Variants in FAHD1 observed in about 807,000 individuals in gnomAD.
The protein encoded by FAHD1 is FAH domain containing oxaloacetate decarboxylase 1.
FAHD1 carries 14 observed loss-of-function variants against 12.7 expected under a neutral mutation model. The ratio of observed to expected loss-of-function variants is 1.10; its 90% CI spans 0.73 to 1.72. The LOEUF (loss-of-function observed/expected upper bound fraction) is 1.72. FAHD1 is among the 40% of genes most tolerant of loss of function. The probability of loss-of-function intolerance (pLI) is 0.00; values close to 1 mark genes in which losing one functional copy is unlikely to be tolerated. For synonymous variants in FAHD1, 153 were observed against 124.9 expected (o/e 1.22, Z -1.50); for missense variants, 351 against 298.9 (o/e 1.17, Z -1.29).
chr16:1,835,795 T>C (rs950649925), intron 1 of FAHD1, among the ~76,000 whole-genome samples: 18 of 152,138 alleles, frequency 1.2e-4, no homozygotes, highest in African/African-American at 4.1e-4. Context: ...CAGAGGTTCA[T>C]CTACAAGCAA....
chr16:1,839,449 A>G (rs933928784), exon 3 of FAHD1: 4 of 1,598,966 alleles, frequency 2.5e-6, no homozygotes, highest in Admixed American at 3.5e-5. Flanking sequence ...CTGAAAAGAA[A>G]CAAAGACAAT....
chr16:1,831,818 C>T (rs541302347), downstream of FAHD1, among the ~76,000 whole-genome samples: 46 of 152,170 alleles, frequency 3.0e-4, no homozygotes, highest in African/African-American at 1.1e-3. Context: ...ACTGCACATG[C>T]GAGGGATCTA....
At chr16:1,827,811 G>A (rs1898529337) in exon 1 of FAHD1, 2 of 1,614,132 alleles carry the variant, frequency 1.2e-6, no homozygotes, top group Non-Finnish European at 1.7e-6. Context: ...GGACGCCAAA[G>A]GGAGTTGGAC....
chr16:1,838,865 T>A (rs566881452), intron 2 of FAHD1, among the ~76,000 whole-genome samples: 2 of 152,290 alleles, frequency 1.3e-5, no homozygotes, highest in East Asian at 3.9e-4. Flanking sequence ...CTAATTTTTG[T>A]ATTTTTAGTA....
downstream of FAHD1, among the ~76,000 whole-genome samples, chr16:1,831,219 A>G (rs1250681025): frequency 3.9e-5 from 6 of 152,214 alleles, no homozygotes; most frequent in Non-Finnish European, 7.3e-5. Flanking sequence ...GTCAGTGAAT[A>G]TAAGTACAGG....
chr16:1,831,006 A>C (rs2142065675), downstream of FAHD1, among the ~76,000 whole-genome samples: 1 of 151,972 alleles, frequency 6.6e-6, no homozygotes, highest in East Asian at 1.9e-4. Context: ...TTCAGCATAC[A>C]TCTCCCAAGA....
At chr16:1,831,465 G>A (rs1466245950), downstream of FAHD1, among the ~76,000 whole-genome samples, 1 of 152,174 alleles carries the variant, frequency 6.6e-6, no homozygotes, top group Non-Finnish European at 1.5e-5. Context: ...GTTGGCACCA[G>A]AATCTGCTCT....
chr16:1,827,482 G>A (rs1460597509), exon 1 of FAHD1: 1 of 1,612,226 alleles, frequency 6.2e-7, no homozygotes, highest in Admixed American at 1.7e-5. Context: ...CTGCCGCGCA[G>A]TCCCCGAGGC....
chr16:1,833,993 T>C, intron 1 of FAHD1: 2 of 319,066 alleles, frequency 6.3e-6, no homozygotes, highest in Non-Finnish European at 1.1e-5. Flanking sequence ...CTGTAGAAGA[T>C]TAAATCTGTT....
At chr16:1,830,339 C>T (rs1898597611), downstream of FAHD1, among the ~76,000 whole-genome samples, 1 of 152,200 alleles carries the variant, frequency 6.6e-6, no homozygotes, top group Admixed American at 6.5e-5. Flanking sequence ...AGCACATGTG[C>T]TGTTTTTTCC....
At chr16:1,833,790 T>C (rs1898667659), downstream of FAHD1, among the ~76,000 whole-genome samples, 1 of 152,062 alleles carries the variant, frequency 6.6e-6, no homozygotes, top group South Asian at 2.1e-4. Flanking sequence ...CTCGATCTCC[T>C]GACTGCCTTG....
At chr16:1,831,108 G>A (rs1567269257), downstream of FAHD1, among the ~76,000 whole-genome samples, 1 of 152,158 alleles carries the variant, frequency 6.6e-6, no homozygotes, top group Non-Finnish European at 1.5e-5. Context: ...TATATGGTTT[G>A]ACATCTGTTC....
At chr16:1,839,716 C>G in exon 3 of FAHD1, 1 of 338,502 alleles carries the variant, frequency 3.0e-6, no homozygotes, top group Non-Finnish European at 5.4e-6. Context: ...AGTCTCATTT[C>G]CTTGCTGGGG....
chr16:1,839,162 C>T, intron 2 of FAHD1: 1 of 1,391,604 alleles, frequency 7.2e-7, no homozygotes, highest in Non-Finnish European at 9.5e-7. Context: ...GAATCAATTT[C>T]TATCAAATGT....
chr16:1,837,656 C>G, intron 1 of FAHD1: 1 of 513,810 alleles, frequency 1.9e-6, no homozygotes, highest in Non-Finnish European at 3.4e-6. Flanking sequence ...ATAGCTGAAT[C>G]CTTATGCACA....
chr16:1,834,221 T>G, intron 1 of FAHD1: 1 of 1,160,794 alleles, frequency 8.6e-7, no homozygotes, highest in Non-Finnish European at 1.3e-6. Flanking sequence ...GTTAAAACTC[T>G]TATACTTTTC....
chr16:1,833,554 CTTT>C (rs769668788), downstream of FAHD1, among the ~76,000 whole-genome samples: 14 of 114,280 alleles, frequency 1.2e-4, 1 homozygote, highest in Non-Finnish European at 1.2e-4. Context: ...TTTAGAGGTA[CTTT>C]TTTTTTTTTT....
downstream of FAHD1, among the ~76,000 whole-genome samples, chr16:1,832,540 C>A (rs370309758): frequency 9.6e-4 from 145 of 151,362 alleles, no homozygotes; most frequent in East Asian, 0.013. Flanking sequence ...AATCCCAGCA[C>A]TTTGGGAGGC....
chr16:1,838,156 C>G (rs1470432724), intron 2 of FAHD1: 4 of 515,174 alleles, frequency 7.8e-6, no homozygotes, highest in Non-Finnish European at 1.0e-5. Flanking sequence ...TCTTCTCTGG[C>G]TAATTGTTTT....
Sources: gnomAD v4.1 joint callset for allele counts (sites outside exome capture counted in the v4.1 genomes callset) on GRCh38, gnomAD v4.1.1 for gene constraint, MANE v1.5 for transcripts, NCBI Gene and HGNC (gene_info 2026-07-23, HGNC 2026-07-21) for gene names.